The following TBC1D12 variants were observed in gnomAD, a reference collection of about 807,000 sequenced individuals.
TBC1D12 encodes TBC1 domain family member 12, also known as TBC1 domain family, member 12.
A neutral mutation model predicts 86.7 loss-of-function variants in TBC1D12; 56 were observed. That is an observed-to-expected ratio of 0.65 (90% CI 0.52 to 0.81). TBC1D12 has a LOEUF of 0.81. TBC1D12 is among the 30% of genes least tolerant of loss of function. The pLI, the probability that TBC1D12 is intolerant of heterozygous loss-of-function variation, is 0.00. For synonymous variants in TBC1D12, 421 were observed against 411.7 expected, an observed-to-expected ratio of 1.02 and a Z score of -0.27; for missense variants, 1,023 against 1,038.8, an observed-to-expected ratio of 0.98 and a Z score of 0.21.
chr10:94,439,915 C>G (rs541993961), intron 1 of TBC1D12, among the ~76,000 whole-genome samples: 1 of 152,264 alleles, frequency 6.6e-6, no homozygotes, highest in East Asian at 1.9e-4. Context: ...TGGTACACAA[C>G]GTATCAAACA....
chr10:94,422,397 C>T lies in TBC1D12; in HGVS notation c.971+18813C>T, dbSNP rs373573289. On this transcript the variant is annotated intron_variant, in intron 1 of 12. Coordinates refer to ENST00000225235, the MANE Select transcript of TBC1D12 (RefSeq NM_015188.2). ...TAGAGACAGGGTTTCACCATGTTGG[C>T]CAGGATGGTCTCAATCTCCTGACCT... 1.6e-4 allele frequency among the ~76,000 whole-genome samples: 25 copies of T among 152,018 alleles called. No individual in the cohort carries two copies. In the South Asian group the frequency reaches 4.6e-3, roughly 28 times the overall value.
At chr10:94,410,353 C>CAG (rs2054913763) in intron 1 of TBC1D12, among the ~76,000 whole-genome samples, 1 of 152,160 alleles carries the variant, frequency 6.6e-6, no homozygotes, top group Admixed American at 6.5e-5. Flanking sequence ...GAAAGTGTAT[C>CAG]TTAGTTCTAC....
chr10:94,495,123 A>C (rs1460795676), intron 4 of TBC1D12, among the ~76,000 whole-genome samples: 1 of 151,660 alleles, frequency 6.6e-6, no homozygotes, highest in East Asian at 1.9e-4. Context: ...GCCTGGGTTC[A>C]AGTGATTCTC....
chr10:94,508,940 CA>C (rs1193699048), intron 7 of TBC1D12: 2 of 151,832 alleles, frequency 1.3e-5, no homozygotes, highest in Admixed American at 6.6e-5. Context: ...ATGTAGAAAC[CA>C]AAGCTGAGGT....
rs1044038858 is a variant in TBC1D12, at chr10:94,417,967, G to A, written c.971+14383G>A. On this transcript the variant is annotated intron_variant, in intron 1 of 12. Coordinates refer to ENST00000225235, the MANE Select transcript of TBC1D12 (RefSeq NM_015188.2). Reference sequence around the variant, plus strand: ...GGTGGGGTTTCACCGTGTTAGCCAGGATGGTCTTGATCTCCTGACCTCGTG... The same window carrying A: ...GGTGGGGTTTCACCGTGTTAGCCAGAATGGTCTTGATCTCCTGACCTCGTG... 1.5e-4 allele frequency among the ~76,000 whole-genome samples: 23 copies of A among 152,088 alleles called. No homozygotes were observed. The South Asian group carries it at 4.0e-3, about 26-fold the overall frequency.
chr10:94,440,594 A>G (rs148929278), intron 1 of TBC1D12, among the ~76,000 whole-genome samples: 1 of 152,302 alleles, frequency 6.6e-6, no homozygotes, highest in African/African-American at 2.4e-5. Flanking sequence ...TTGATACGGC[A>G]TTTTGAGTAT....
chr10:94,465,141 T>C (rs1056046697), intron 2 of TBC1D12, among the ~76,000 whole-genome samples: 6 of 152,250 alleles, frequency 3.9e-5, no homozygotes, highest in Non-Finnish European at 7.3e-5. Flanking sequence ...AATTCTGTTA[T>C]AGAAAAATGC....
At chr10:94,463,574 C>A (rs1159273507) in intron 2 of TBC1D12, among the ~76,000 whole-genome samples, 2 of 152,208 alleles carry the variant, frequency 1.3e-5, no homozygotes, top group East Asian at 3.8e-4. Flanking sequence ...CTGCCCAGTA[C>A]TATCACACTG....
chr10:94,497,908 C>T lies in TBC1D12; in HGVS notation c.1412+736C>T, dbSNP rs1398516878. Among the ~76,000 whole-genome samples, 6 of 150,868 alleles carry T rather than the reference C, an allele frequency of 4.0e-5. No individual in the cohort carries two copies. In the South Asian group the frequency reaches 6.3e-4, roughly 16 times the overall value. On this transcript the variant is annotated intron_variant, in intron 5 of 12. Transcript: ENST00000225235. ...CACAATCTCGGCTCACTGCAAGCTC[C>T]GCCTCCCGGGTTCATGCCATTCTCC...
intron 1 of TBC1D12, among the ~76,000 whole-genome samples, chr10:94,406,597 C>T (rs774665664): frequency 1.3e-5 from 2 of 152,146 alleles, no homozygotes; most frequent in Non-Finnish European, 2.9e-5. Context: ...TTTTACTGTG[C>T]TCTAGCTAGG....
intron 3 of TBC1D12, among the ~76,000 whole-genome samples, chr10:94,488,994 C>G (rs2056209314): frequency 6.6e-6 from 1 of 152,152 alleles, no homozygotes; most frequent in Non-Finnish European, 1.5e-5. Context: ...GTAAGCACTC[C>G]CCCAAATGTC....
chr10:94,412,018 C>T (rs573163991), intron 1 of TBC1D12, among the ~76,000 whole-genome samples: 198 of 152,214 alleles, frequency 1.3e-3, no homozygotes, highest in Non-Finnish European at 2.3e-3. Flanking sequence ...TAGTGAATTG[C>T]TTAATCCTAG....
chr10:94,483,943 AT>A (rs145986369), intron 3 of TBC1D12, among the ~76,000 whole-genome samples: 24,837 of 151,946 alleles, frequency 0.16, 2,186 homozygotes, highest in Middle Eastern at 0.25. Context: ...ATGTATTTTG[AT>A]TTGATTTTTG....
chr10:94,502,566 G>T (rs1301224168), intron 6 of TBC1D12, among the ~76,000 whole-genome samples: 1 of 151,802 alleles, frequency 6.6e-6, no homozygotes, highest in Non-Finnish European at 1.5e-5. Flanking sequence ...AATTAGCCAG[G>T]CAGCCCGCAT....
intron 2 of TBC1D12, among the ~76,000 whole-genome samples, chr10:94,443,141 C>T (rs1337046878): frequency 6.6e-6 from 1 of 152,100 alleles, no homozygotes; most frequent in East Asian, 1.9e-4. Context: ...ACATGCACGG[C>T]ACTAGAGGAC....
At chr10:94,498,722 C>T (rs1476257337) in intron 5 of TBC1D12, among the ~76,000 whole-genome samples, 1 of 151,458 alleles carries the variant, frequency 6.6e-6, no homozygotes, top group Non-Finnish European at 1.5e-5. Context: ...TCCCAAAGTG[C>T]TGGAATTATA....
intron 3 of TBC1D12, among the ~76,000 whole-genome samples, chr10:94,480,537 G>T (rs2056062190): frequency 6.6e-6 from 1 of 151,912 alleles, no homozygotes; most frequent in Non-Finnish European, 1.5e-5. Flanking sequence ...TGTTCATTAT[G>T]GTAATTCTGC....
chr10:94,522,453 G>A lies in TBC1D12; in HGVS notation c.2000G>A (p.Trp667Ter). The A allele has an allele frequency of 8.4e-7, 1 of 1,190,852 alleles. No individual in the cohort carries two copies. 73.8% of individuals were successfully genotyped at this position (1,190,852 alleles called of 1,614,324 possible). A position where few individuals can be genotyped will look rare whatever the true frequency, so the allele number is the denominator to read the frequency against. ...ACACCAGATATATACTTGATAGACT[G>A]GTAAGTCATAACATACGTAATATAT... is the stretch of plus-strand genomic sequence containing the variant. ...SLTPDIYLIDWIFTLYSKSLP... is the reference protein window; with the variant it reads ...SLTPDIYLID Residue 667 changes from tryptophan to a stop codon, truncating the protein, a stop_gained and splice_region_variant, in exon 11 of 13, where the codon TGG becomes TAG. Transcript: ENST00000225235. LOFTEE classifies it high-confidence loss of function.
Position 94,533,413 on chromosome 10 carries a change from A to G in TBC1D12, c.*317A>G, listed in dbSNP as rs1842478460. On this transcript the variant is annotated 3_prime_UTR_variant, in exon 13 of 13. Coordinates refer to ENST00000225235, the MANE Select transcript of TBC1D12 (RefSeq NM_015188.2). ...AGCTTTGAAGATACTTCAAATTTTT[A>G]CATCTTTTCTTTTGTAACAGTTACC... 4.6e-6 allele frequency: 1 copy of G among 216,012 alleles called. No individual in the cohort carries two copies. Among genetic ancestry groups the G allele is most frequent in the Non-Finnish European group, 9.1e-6 (1 of 110,222 alleles). The allele number at this position is 216,012 out of a possible 1,614,324, so 13.4% of individuals were successfully genotyped here.
Sources: allele counts gnomAD v4.1 joint callset (sites outside exome capture counted in the v4.1 genomes callset), GRCh38; gene constraint gnomAD v4.1.1; transcripts MANE v1.5; gene names NCBI Gene and HGNC (gene_info 2026-07-23, HGNC 2026-07-21).